Variants in PLA2G12A observed in about 807,000 individuals in gnomAD.
PLA2G12A encodes the protein group XIIA secretory phospholipase A2.
Under a neutral mutation model 16.0 loss-of-function variants are expected in PLA2G12A, and 11 were observed. That is an observed-to-expected ratio of 0.69 (90% CI 0.43 to 1.13). PLA2G12A has a LOEUF of 1.13. Ranked by LOEUF, PLA2G12A falls within the 50% of genes most tolerant of loss-of-function variation. The probability of loss-of-function intolerance (pLI) is 0.00; values close to 1 mark genes in which losing one functional copy is unlikely to be tolerated. For missense variants in PLA2G12A, 214 were observed against 237.3 expected, an observed-to-expected ratio of 0.90 and a Z score of 0.65; for synonymous variants, 77 against 93.8, an observed-to-expected ratio of 0.82 and a Z score of 1.03.
At chr4:109,715,983 T>C (rs1436144561) in intron 3 of PLA2G12A, among the ~76,000 whole-genome samples, 1 of 152,120 alleles carries the variant, frequency 6.6e-6, no homozygotes, top group East Asian at 1.9e-4. Context: ...AATCTTAACA[T>C]TTTCAAAGTT....
intron 3 of PLA2G12A, among the ~76,000 whole-genome samples, chr4:109,715,255 T>C (rs1730808025): frequency 2.6e-5 from 4 of 152,202 alleles, no homozygotes; most frequent in Non-Finnish European, 5.9e-5. Context: ...AAAAATGTTT[T>C]ATGTGCGGAA....
At chr4:109,720,550 A>G (rs1730903838) in intron 1 of PLA2G12A, among the ~76,000 whole-genome samples, 1 of 125,204 alleles carries the variant, frequency 8.0e-6, no homozygotes, top group Non-Finnish European at 1.6e-5. Context: ...AGCCTGGGCA[A>G]CATGATGAGA....
intron 3 of PLA2G12A, among the ~76,000 whole-genome samples, chr4:109,714,832 T>A (rs1001954142): frequency 6.6e-6 from 1 of 151,652 alleles, no homozygotes; most frequent in African/African-American, 2.4e-5. Context: ...CATCCTGGGC[T>A]AAAGTAATCC....
In PLA2G12A at chr4:109,714,477, T is replaced by C. The variant is rs756297075; in HGVS notation, c.470A>G (p.Glu157Gly). ...ATGTATAACACTGTCAAACAAGAGC[T>C]CCACTGTTGTTTCACATGCTGCAAA... is the stretch of plus-strand genomic sequence containing the variant. Reference protein sequence around the residue: ...QHVQACETTVELLFDSVIHLG... With the variant: ...QHVQACETTVGLLFDSVIHLG... Residue 157 changes from glutamate (E) to glycine (G), a missense_variant, in exon 4 of 4, where the codon GAG (glutamate) becomes GGG (glycine). By Grantham distance (98) the Glu-to-Gly change is moderately conservative. Coordinates refer to ENST00000243501, the MANE Select transcript of PLA2G12A (RefSeq NM_030821.5). 1.5e-5 allele frequency: 24 copies of C among 1,612,804 alleles called. No individual in the cohort carries two copies. In the Admixed American group the frequency reaches 3.2e-4, roughly 21 times the overall value.
At chr4:109,715,038 T>C (rs1730802938) in intron 3 of PLA2G12A, among the ~76,000 whole-genome samples, 1 of 152,164 alleles carries the variant, frequency 6.6e-6, no homozygotes, top group Non-Finnish European at 1.5e-5. Context: ...CTCAAACTCC[T>C]GGACTCAGGC....
intron 1 of PLA2G12A, among the ~76,000 whole-genome samples, chr4:109,726,336 G>C (rs753798179): frequency 6.6e-6 from 1 of 152,126 alleles, no homozygotes; most frequent in Non-Finnish European, 1.5e-5. Context: ...TCAGTTAATG[G>C]TAATTCTGTC....
rs564578954 is a variant in PLA2G12A, at chr4:109,717,980, T to C, written c.286-267A>G. 3.3e-5 allele frequency among the ~76,000 whole-genome samples: 5 copies of C among 152,220 alleles called. No homozygotes were observed. The South Asian group carries it at 1.0e-3, about 32-fold the overall frequency. On this transcript the variant is annotated intron_variant, in intron 2 of 3. Transcript: ENST00000243501. ...ACAGTTACCTGTCAGTAACAAAATT[T>C]CCATTTGTCCAAAACACAAAACATA...
chr4:109,718,684 T>C lies in PLA2G12A; in HGVS notation c.284A>G (p.His95Arg). ...NGCGSPLFGVHLNIGIPSLTK... is the reference protein window; with the variant it reads ...NGCGSPLFGVRLNIGIPSLTK... ...TATCAAATAAAAGACAATATTTACA[T>C]GAACACCAAACAGTGGAGAGCCACA... The change falls in exon 2 of 4, where the codon CAT (histidine) becomes CGT (arginine). Residue 95 changes from histidine to arginine, a missense_variant and splice_region_variant. His to Arg is a conservative substitution (Grantham distance 29). Coordinates refer to ENST00000243501, the MANE Select transcript of PLA2G12A (RefSeq NM_030821.5). 1 of 1,590,818 alleles carries C rather than the reference T, an allele frequency of 6.3e-7. No individual in the cohort carries two copies. The highest frequency in any genetic ancestry group is 8.6e-7 in the Non-Finnish European group (1 of 1,163,416).
At chr4:109,724,368 T>C (rs769001245) in intron 1 of PLA2G12A, among the ~76,000 whole-genome samples, 1 of 152,158 alleles carries the variant, frequency 6.6e-6, no homozygotes, top group Non-Finnish European at 1.5e-5. Context: ...GTGATCCGCC[T>C]GCCTCAGTCT....
In PLA2G12A at chr4:109,716,428, T is replaced by C. The variant is rs550543379; in HGVS notation, c.451+1120A>G. On this transcript the variant is annotated intron_variant, in intron 3 of 3. Coordinates refer to ENST00000243501, the MANE Select transcript of PLA2G12A (RefSeq NM_030821.5). The stretch of plus-strand genomic sequence containing the variant: ...TTTTTGTTGGCATCAAATGAAAACA[T>C]GAATAAAATATCTAGCACAGTATCT... Among the ~76,000 whole-genome samples, 25 of 152,334 alleles carry C rather than the reference T, an allele frequency of 1.6e-4. No individual in the cohort carries two copies. In the South Asian group the frequency reaches 3.7e-3, roughly 23 times the overall value.
chr4:109,724,589 GT>G (rs1722893160), intron 1 of PLA2G12A, among the ~76,000 whole-genome samples: 6 of 152,112 alleles, frequency 3.9e-5, no homozygotes, highest in Admixed American at 3.9e-4. Flanking sequence ...ATATATATGT[GT>G]ATGCATGCGT....
At chr4:109,721,295 A>T (rs1730937197) in intron 1 of PLA2G12A, among the ~76,000 whole-genome samples, 1 of 150,748 alleles carries the variant, frequency 6.6e-6, no homozygotes, top group African/African-American at 2.4e-5. Context: ...TTCAACTCTC[A>T]TCGCCTACTT....
intron 1 of PLA2G12A, 148 bp downstream of exon 1, chr4:109,729,454 C>T (rs1381766593): frequency 7.2e-6 from 6 of 828,022 alleles, no homozygotes; most frequent in Non-Finnish European, 1.1e-5. Context: ...ATCACTAGAA[C>T]GGCAAGATTC....
chr4:109,711,413 C>G lies in PLA2G12A; in HGVS notation c.*2964G>C, dbSNP rs1041498671. ...ATTCTAGGGTTGGGGCAGGGAATAT[C>G]CAAGATGAACCTGGAGCATCTTGTA... On this transcript the variant is annotated 3_prime_UTR_variant, in exon 4 of 4. Transcript: ENST00000243501. 4 of 151,974 alleles carry G rather than the reference C, an allele frequency of 2.6e-5. No homozygotes were observed. In the East Asian group the frequency reaches 7.7e-4, roughly 29 times the overall value. The allele number at this position is 151,974 out of a possible 1,614,324, so 9.4% of individuals were successfully genotyped here.
intron 1 of PLA2G12A, among the ~76,000 whole-genome samples, chr4:109,722,023 T>C (rs1282703229): frequency 6.6e-6 from 1 of 152,154 alleles, no homozygotes; most frequent in Non-Finnish European, 1.5e-5. Context: ...ACCCCCATAA[T>C]CCAGTCTCAA....
chr4:109,714,126 G>A lies in PLA2G12A; in HGVS notation c.*251C>T. 2.4e-6 allele frequency: 1 copy of A among 416,230 alleles called. No homozygotes were observed. The allele number at this position is 416,230 out of a possible 1,614,324, so 25.8% of individuals were successfully genotyped here. ...TAAACAAGCACTTGTTTTTGATATT[G>A]GTCAAGACATTTGGCATACTAAGTA... On this transcript the variant is annotated 3_prime_UTR_variant, in exon 4 of 4. Transcript: ENST00000243501.
chr4:109,719,103 T>C (rs1015773090), intron 1 of PLA2G12A, among the ~76,000 whole-genome samples: 3 of 152,226 alleles, frequency 2.0e-5, no homozygotes, highest in Non-Finnish European at 4.4e-5. Flanking sequence ...AGGGTTCATA[T>C]GTATGAAAGA....
In PLA2G12A at chr4:109,715,096, C is replaced by T. The variant is rs896244370; in HGVS notation, c.452-601G>A. On this transcript the variant is annotated intron_variant, in intron 3 of 3. Transcript: ENST00000243501. ...AAAGTGCTGGGATTACAGGCGTGGG[C>T]CACCATGCCTGGCCCAATTGTTTAA... Among the ~76,000 whole-genome samples the T allele has an allele frequency of 2.6e-5, 4 of 151,988 alleles. No homozygotes were observed. The East Asian group carries it at 7.7e-4, about 29-fold the overall frequency.
intron 1 of PLA2G12A, among the ~76,000 whole-genome samples, chr4:109,722,087 C>A (rs1040908354): frequency 6.6e-6 from 1 of 152,192 alleles, no homozygotes; most frequent in Non-Finnish European, 1.5e-5. Context: ...TTTTTCTGCT[C>A]AGAGACGCTT....
Sources: allele counts gnomAD v4.1 joint callset (sites outside exome capture counted in the v4.1 genomes callset), GRCh38; gene constraint gnomAD v4.1.1; transcripts MANE v1.5; gene names NCBI Gene and HGNC (gene_info 2026-07-23, HGNC 2026-07-21).